The following SH3BP4 variants were observed in gnomAD, a reference collection of about 807,000 sequenced individuals.
SH3BP4 encodes SH3 domain binding protein 4.
In SH3BP4, 33 loss-of-function variants were observed where a neutral mutation model predicts 65.5. The ratio of observed to expected loss-of-function variants is 0.50; its 90% CI spans 0.38 to 0.67. The LOEUF is 0.67. Ranked by LOEUF, SH3BP4 falls within the 30% of genes least tolerant of loss-of-function variation. The probability of loss-of-function intolerance (pLI) is 0.00; values close to 1 mark genes in which losing one functional copy is unlikely to be tolerated. For missense variants in SH3BP4, 1,134 were observed against 1,261.4 expected (o/e 0.90, Z 1.53); for synonymous variants, 552 against 545.5 (o/e 1.01, Z -0.17).
In SH3BP4 at chr2:234,976,629, C is replaced by A. The variant is rs1693175146; in HGVS notation, c.-206-18674C>A. On this transcript the variant is annotated intron_variant, in intron 1 of 5. Transcript: ENST00000392011. This position sits in a 1 kb window ranked among gnomAD's most constrained non-coding sequence, Gnocchi z 4.7. ...GGCCTGCGGAAGGGGTTAAGAGGGG[C>A]TGGGCAGGTGACCAAGGTCACCATG... Among the ~76,000 whole-genome samples, 1 of 152,112 alleles carries A rather than the reference C, an allele frequency of 6.6e-6. No homozygotes were observed. The highest frequency in any genetic ancestry group is 1.5e-5 in the Non-Finnish European group (1 of 68,022).
At position 234,974,263 on chromosome 2, in the gene SH3BP4, G is replaced by A. The variant is rs1205017082; in HGVS notation, c.-206-21040G>A. Among the ~76,000 whole-genome samples the A allele has an allele frequency of 6.6e-6, 1 of 152,236 alleles. No individual in the cohort carries two copies. The highest frequency in any genetic ancestry group is 1.9e-4 in the East Asian group (1 of 5,152). On this transcript the variant is annotated intron_variant, in intron 1 of 5. Transcript: ENST00000392011. The surrounding 1 kb of genome is among the most constrained non-coding windows in gnomAD (Gnocchi z 4.6). ...ACCTGTAATCCCAACTACTCAGGAG[G>A]CTGAAGCAGGAGAATCACTTGAACC... is the stretch of plus-strand genomic sequence containing the variant.
chr2:234,986,357 A>G (rs1693559508), intron 1 of SH3BP4, among the ~76,000 whole-genome samples: 1 of 152,244 alleles, frequency 6.6e-6, no homozygotes. Context: ...TCAGCCTCCT[A>G]AAGGTTTATT....
In SH3BP4 at chr2:235,008,285, G is replaced by A. The variant is rs1171939439; in HGVS notation, c.-133+12909G>A. On this transcript the variant is annotated intron_variant, in intron 2 of 5. Coordinates refer to ENST00000392011, the MANE Select transcript of SH3BP4 (RefSeq NM_014521.3). The stretch of plus-strand genomic sequence containing the variant: ...AAGCCCTGGGTTGGGACAGCCCCTT[G>A]GTGGGAGGGAGGCCCTTTGATGCAG... Among the ~76,000 whole-genome samples, 3 of 152,146 alleles carry A rather than the reference G, an allele frequency of 2.0e-5. No individual in the cohort carries two copies. The East Asian group carries it at 5.8e-4, about 29-fold the overall frequency.
Position 235,026,907 on chromosome 2 carries a change from G to T in SH3BP4, c.-132-7964G>T, listed in dbSNP as rs996716411. On this transcript the variant is annotated intron_variant, in intron 2 of 5. Coordinates refer to ENST00000392011, the MANE Select transcript of SH3BP4 (RefSeq NM_014521.3). This position sits in a 1 kb window ranked among gnomAD's most constrained non-coding sequence, Gnocchi z 4.6. The stretch of plus-strand genomic sequence containing the variant: ...TTGCTGTTTTCTCCCCCAGGAAGAG[G>T]CAGCCCGCCCGAGCCCCAGGCAGCA... Among the ~76,000 whole-genome samples the T allele has an allele frequency of 2.6e-5, 4 of 152,172 alleles. No homozygotes were observed. Among genetic ancestry groups the T allele is most frequent in the African/African-American group, 9.7e-5 (4 of 41,444 alleles).
At chr2:234,980,063 G>GT (rs1360588000) in intron 1 of SH3BP4, among the ~76,000 whole-genome samples, 3 of 152,162 alleles carry the variant, frequency 2.0e-5, no homozygotes, top group Non-Finnish European at 2.9e-5. Context: ...GCAAGAGTTC[G>GT]TTTTTTGGCT....
At chr2:235,003,194 G>A (rs1193544246) in intron 2 of SH3BP4, among the ~76,000 whole-genome samples, 1 of 152,266 alleles carries the variant, frequency 6.6e-6, no homozygotes. Flanking sequence ...CAGGGCCAGC[G>A]TGGCCCTGTC....
intron 1 of SH3BP4, among the ~76,000 whole-genome samples, chr2:234,962,451 A>C (rs1469647021): frequency 6.6e-6 from 1 of 152,096 alleles, no homozygotes; most frequent in Non-Finnish European, 1.5e-5. Context: ...TCTTTTCCAA[A>C]AAAAATAATA....
chr2:234,979,143 T>G (rs961727965), intron 1 of SH3BP4, among the ~76,000 whole-genome samples: 1 of 152,174 alleles, frequency 6.6e-6, no homozygotes, highest in Non-Finnish European at 1.5e-5. Context: ...TAGATACAGG[T>G]AATATTTGAA....
In SH3BP4 at chr2:234,967,948, G is replaced by A. The variant is rs1215662605; in HGVS notation, c.-207+15778G>A. ...TCTAAGAGTTAGTGCAGGACCGGAA[G>A]CTCCCACCCAGATGGTGAAGGCACC... On this transcript the variant is annotated intron_variant, in intron 1 of 5. Coordinates refer to ENST00000392011, the MANE Select transcript of SH3BP4 (RefSeq NM_014521.3). This position sits in a 1 kb window ranked among gnomAD's most constrained non-coding sequence, Gnocchi z 4.6. 1.3e-5 allele frequency among the ~76,000 whole-genome samples: 2 copies of A among 152,180 alleles called. No homozygotes were observed. Among genetic ancestry groups the A allele is most frequent in the Non-Finnish European group, 2.9e-5 (2 of 68,024 alleles).
intron 5 of SH3BP4, among the ~76,000 whole-genome samples, 165 bp from the exon 6 acceptor site, chr2:235,053,427 C>G (rs918333084): frequency 5.3e-5 from 8 of 152,176 alleles, no homozygotes; most frequent in Non-Finnish European, 1.2e-4. Flanking sequence ...GACCCTGGCC[C>G]CGAGATGGTT....
intron 2 of SH3BP4, among the ~76,000 whole-genome samples, chr2:235,006,898 A>T (rs4663179): frequency 0.17 from 25,747 of 151,920 alleles, 3,695 homozygotes; most frequent in East Asian, 0.72. Flanking sequence ...TGTTTAGTGA[A>T]GAAGATTGGG....
At position 235,026,641 on chromosome 2, in the gene SH3BP4, G is replaced by A. The variant is rs867763750; in HGVS notation, c.-132-8230G>A. On this transcript the variant is annotated intron_variant, in intron 2 of 5. Coordinates refer to ENST00000392011, the MANE Select transcript of SH3BP4 (RefSeq NM_014521.3). The surrounding 1 kb of genome is among the most constrained non-coding windows in gnomAD (Gnocchi z 4.6). ...ATGTTCACTAAGGTGACCTCTGTGC[G>A]TAGTCCCAGGTAGATGTGGCACCCA... 5.3e-5 allele frequency among the ~76,000 whole-genome samples: 8 copies of A among 152,196 alleles called. No homozygotes were observed. The highest frequency in any genetic ancestry group is 1.9e-4 in the East Asian group (1 of 5,200).
In SH3BP4 at chr2:235,042,006, C is replaced by T. The variant is rs746824577; in HGVS notation, c.1237C>T (p.Leu413Phe). ...CCTTTTTAGCAAAAGCACAGTGGGC[C>T]TCCAGTGCCTGAGGAGCGACTCGAA... ...NDLFSKSTVG[L>F]QCLRSDSKEG... Residue 413 changes from leucine (L) to phenylalanine (F), a missense_variant, in exon 4 of 6, where the codon CTC (leucine) becomes TTC (phenylalanine). Physicochemically the swap from Leu to Phe is conservative, Grantham distance 22 (BLOSUM62 0). Coordinates refer to ENST00000392011, the MANE Select transcript of SH3BP4 (RefSeq NM_014521.3). The surrounding 1 kb of genome is among the most constrained non-coding windows in gnomAD (Gnocchi z 7.3). 11 of 1,613,786 alleles carry T rather than the reference C, an allele frequency of 6.8e-6. No individual in the cohort carries two copies. The highest frequency in any genetic ancestry group is 9.3e-6 in the Non-Finnish European group (11 of 1,179,886).
rs1696148613 is a variant in SH3BP4, at chr2:235,054,005, C to T, written c.*189C>T. The T allele has an allele frequency of 3.6e-6, 2 of 557,458 alleles. No individual in the cohort carries two copies. Among genetic ancestry groups the T allele is most frequent in the Non-Finnish European group, 6.4e-6 (2 of 313,108 alleles). The allele number at this position is 557,458 out of a possible 1,614,324, so 34.5% of individuals were successfully genotyped here. ...GGGAGAGGCCTGAAGGGACTGCCTA[C>T]TGCAGCTCGTTGCCAATCACATAGC... On this transcript the variant is annotated 3_prime_UTR_variant, in exon 6 of 6. Transcript: ENST00000392011.
rs1206278400 is a variant in SH3BP4 at position 235,046,641 on chromosome 2, T to C, written c.2478+3394T>C. Among the ~76,000 whole-genome samples the C allele has an allele frequency of 2.0e-5, 3 of 152,110 alleles. No homozygotes were observed. The highest frequency in any genetic ancestry group is 2.9e-5 in the Non-Finnish European group (2 of 68,016). On this transcript the variant is annotated intron_variant, in intron 4 of 5. Coordinates refer to ENST00000392011, the MANE Select transcript of SH3BP4 (RefSeq NM_014521.3). The surrounding 1 kb of genome is among the most constrained non-coding windows in gnomAD (Gnocchi z 4.2). ...TTGTGCACTTGTTTCTCATTATTAC[T>C]CTAACTGAACATAGGTCCCATGAGA...
intron 1 of SH3BP4, among the ~76,000 whole-genome samples, chr2:234,983,666 T>C (rs1574790937): frequency 6.6e-6 from 1 of 152,244 alleles, no homozygotes; most frequent in Admixed American, 6.5e-5. Context: ...ATTACCCAGA[T>C]GGACCCTAAA....
chr2:234,988,267 G>A (rs1034378742), intron 1 of SH3BP4, among the ~76,000 whole-genome samples: 1 of 152,094 alleles, frequency 6.6e-6, no homozygotes, highest in Admixed American at 6.5e-5. Flanking sequence ...CACCGTGTTA[G>A]CCAGGATAGT....
At chr2:235,032,771 G>C (rs900693072) in intron 2 of SH3BP4, among the ~76,000 whole-genome samples, 4 of 152,056 alleles carry the variant, frequency 2.6e-5, no homozygotes, top group African/African-American at 9.7e-5. Context: ...GGTGGAGTGT[G>C]GGGTGGAAGG....
At chr2:235,038,007 A>G (rs763836099) in intron 3 of SH3BP4, among the ~76,000 whole-genome samples, 5 of 151,420 alleles carry the variant, frequency 3.3e-5, no homozygotes, top group Non-Finnish European at 7.4e-5. Context: ...TCGTTTACGC[A>G]TGCACGATGA....
Sources: allele counts gnomAD v4.1 joint callset (sites outside exome capture counted in the v4.1 genomes callset), GRCh38; gene constraint gnomAD v4.1.1; non-coding constraint Gnocchi (gnomAD v3.1); transcripts MANE v1.5; gene names NCBI Gene and HGNC (gene_info 2026-07-23, HGNC 2026-07-21).